CDH18: variants seen among roughly 807,000 people sequenced by gnomAD.
The protein encoded by CDH18 is cadherin-18.
Under a neutral mutation model 67.9 loss-of-function variants are expected in CDH18, and 31 were observed. The observed-to-expected ratio is 0.46, with a 90% CI of 0.34 to 0.62. CDH18 has a LOEUF of 0.62. Ranked by LOEUF, CDH18 falls within the 20% of genes least tolerant of loss-of-function variation. The pLI is 0.01. For synonymous variants in CDH18, 362 were observed against 347.2 expected, an observed-to-expected ratio of 1.04 and a Z score of -0.48; for missense variants, 890 against 975.5, an observed-to-expected ratio of 0.91 and a Z score of 1.17.
chr5:19,839,006 T>C lies in CDH18; in HGVS notation c.-20A>G. On this transcript the variant is annotated 5_prime_UTR_variant, in exon 3 of 13. Transcript: ENST00000382275. ...TTTCATTGTAAGATAACTTTCCAGT[T>C]CACAGTTTTCCTTCCTTTCCTTGTC... 1 of 1,589,612 alleles carries C rather than the reference T, an allele frequency of 6.3e-7. No individual in the cohort carries two copies. Among genetic ancestry groups the C allele is most frequent in the Non-Finnish European group, 8.6e-7 (1 of 1,158,136 alleles).
At chr5:20,526,718 T>C (rs1179412666) in intron 1 of CDH18, among the ~76,000 whole-genome samples, 1 of 151,468 alleles carries the variant, frequency 6.6e-6, no homozygotes, top group Non-Finnish European at 1.5e-5. Flanking sequence ...CAACACAACA[T>C]CAACAAAAAT....
chr5:19,574,528 C>T (rs144276422), intron 7 of CDH18, among the ~76,000 whole-genome samples: 250 of 152,050 alleles, frequency 1.6e-3, no homozygotes, highest in African/African-American at 5.9e-3. Context: ...GAAAATTATA[C>T]TCATTTATTT....
At chr5:20,318,759 T>A (rs1285934110) in intron 1 of CDH18, among the ~76,000 whole-genome samples, 2 of 152,104 alleles carry the variant, frequency 1.3e-5, no homozygotes, top group Admixed American at 6.5e-5. Context: ...ATCTCTTTTC[T>A]TTTTTTAAAA....
intron 2 of CDH18, among the ~76,000 whole-genome samples, chr5:19,969,708 C>A (rs13167880): frequency 4.5e-5 from 6 of 132,570 alleles, no homozygotes; most frequent in Non-Finnish European, 8.1e-5. Context: ...GTGGGGGGAG[C>A]GGGGAGGGAT....
At chr5:20,168,779 T>C (rs1365928454) in intron 2 of CDH18, among the ~76,000 whole-genome samples, 1 of 152,112 alleles carries the variant, frequency 6.6e-6, no homozygotes, top group African/African-American at 2.4e-5. Flanking sequence ...GAAAATGTGG[T>C]ACACAAACAA....
intron 2 of CDH18, among the ~76,000 whole-genome samples, chr5:19,927,903 C>A (rs1561575307): frequency 6.6e-6 from 1 of 152,104 alleles, no homozygotes; most frequent in Non-Finnish European, 1.5e-5. Context: ...AATTTTGCTT[C>A]ATTGTGATTC....
chr5:20,427,554 T>A (rs1307275803), intron 1 of CDH18, among the ~76,000 whole-genome samples: 6 of 151,248 alleles, frequency 4.0e-5, no homozygotes, highest in African/African-American at 1.5e-4. Flanking sequence ...GTCACACATA[T>A]TCACTCTGTT....
At chr5:20,558,700 T>C (rs142484569) in intron 1 of CDH18, among the ~76,000 whole-genome samples, 1 of 152,210 alleles carries the variant, frequency 6.6e-6, no homozygotes, top group African/African-American at 2.4e-5. Flanking sequence ...TAGCACATTT[T>C]TATTTTGTTT....
chr5:20,020,959 C>A (rs976568556), intron 2 of CDH18, among the ~76,000 whole-genome samples: 7 of 151,816 alleles, frequency 4.6e-5, no homozygotes, highest in African/African-American at 1.5e-4. Flanking sequence ...TTGAGAGTAG[C>A]CAAGGGACTT....
At chr5:20,385,505 C>T (rs1489059532) in intron 1 of CDH18, among the ~76,000 whole-genome samples, 2 of 152,144 alleles carry the variant, frequency 1.3e-5, no homozygotes, top group Admixed American at 6.5e-5. Context: ...AATCCTGATG[C>T]TAACTAGGAT....
chr5:19,817,458 CAA>C (rs1167184877), intron 3 of CDH18, among the ~76,000 whole-genome samples: 2 of 151,870 alleles, frequency 1.3e-5, no homozygotes, highest in East Asian at 3.8e-4. Context: ...AAAAAAGTAA[CAA>C]GAGACAATAA....
intron 3 of CDH18, among the ~76,000 whole-genome samples, chr5:19,819,001 C>T (rs555124920): frequency 3.4e-4 from 51 of 151,916 alleles, no homozygotes; most frequent in African/African-American, 1.2e-3. Flanking sequence ...ACTCTAATGG[C>T]AATTACATGT....
intron 5 of CDH18, among the ~76,000 whole-genome samples, chr5:19,686,862 T>G (rs1761168618): frequency 6.6e-6 from 1 of 152,106 alleles, no homozygotes. Context: ...GTATTGAGAA[T>G]TTGTGAAGGA....
chr5:20,224,114 A>G (rs1383591443), intron 2 of CDH18, among the ~76,000 whole-genome samples: 1 of 152,198 alleles, frequency 6.6e-6, no homozygotes, highest in African/African-American at 2.4e-5. Context: ...AGATAAATTG[A>G]AATGTCTTTT....
At chr5:20,348,328 T>C (rs1460750908) in intron 1 of CDH18, among the ~76,000 whole-genome samples, 1 of 152,188 alleles carries the variant, frequency 6.6e-6, no homozygotes, top group Non-Finnish European at 1.5e-5. Context: ...ATCTGTCTTG[T>C]AGACAATTAC....
chr5:19,712,958 C>T (rs1381178345), intron 5 of CDH18, among the ~76,000 whole-genome samples: 2 of 151,716 alleles, frequency 1.3e-5, no homozygotes, highest in African/African-American at 2.4e-5. Flanking sequence ...AATTATATAA[C>T]ATGAATTATG....
At chr5:19,732,349 A>T (rs1448977946) in intron 4 of CDH18, among the ~76,000 whole-genome samples, 4 of 151,914 alleles carry the variant, frequency 2.6e-5, no homozygotes, top group African/African-American at 9.7e-5. Flanking sequence ...AGTTAATCAG[A>T]AGGCTGAGGC....
chr5:19,916,678 G>A (rs370940888), intron 2 of CDH18, among the ~76,000 whole-genome samples: 1 of 152,152 alleles, frequency 6.6e-6, no homozygotes, highest in Non-Finnish European at 1.5e-5. Flanking sequence ...ATACACAATA[G>A]AGTTCTATTT....
At chr5:19,722,008 A>G (rs776044219) in intron 4 of CDH18, among the ~76,000 whole-genome samples, 6 of 152,110 alleles carry the variant, frequency 3.9e-5, no homozygotes, top group Non-Finnish European at 5.9e-5. Flanking sequence ...TGCATAATTA[A>G]TGAGTCACAT....
Sources: allele counts gnomAD v4.1 joint callset (sites outside exome capture counted in the v4.1 genomes callset), GRCh38; gene constraint gnomAD v4.1.1; transcripts MANE v1.5; gene names NCBI Gene and HGNC (gene_info 2026-07-23, HGNC 2026-07-21).